Variants in PRKG1 observed in about 807,000 individuals in gnomAD.
PRKG1 encodes the protein cGMP-dependent protein kinase 1.
A neutral mutation model predicts 88.1 loss-of-function variants in PRKG1; 35 were observed. That is an observed-to-expected ratio of 0.40 (90% CI 0.30 to 0.53). The LOEUF is 0.53. PRKG1 is among the 20% of genes least tolerant of loss of function. The pLI, the probability that PRKG1 is intolerant of heterozygous loss-of-function variation, is 0.59. For missense variants in PRKG1, 540 were observed against 839.8 expected (o/e 0.64, Z 4.41); for synonymous variants, 303 against 292.5 (o/e 1.04, Z -0.37).
intron 2 of PRKG1, among the ~76,000 whole-genome samples, chr10:51,199,595 A>G (rs555891296): frequency 6.6e-6 from 1 of 152,328 alleles, no homozygotes; most frequent in African/African-American, 2.4e-5. Flanking sequence ...CCTGGCCATC[A>G]GAAAGTGGGA....
intron 2 of PRKG1, among the ~76,000 whole-genome samples, chr10:51,428,045 G>A (rs1838642265): frequency 6.6e-6 from 1 of 152,148 alleles, no homozygotes. Context: ...AGAAGCTAAG[G>A]GCACATGGCC....
chr10:51,780,286 A>G (rs1399489992), intron 3 of PRKG1, among the ~76,000 whole-genome samples: 2 of 152,106 alleles, frequency 1.3e-5, no homozygotes, highest in Admixed American at 6.6e-5. Context: ...CTTTCCCTAC[A>G]TACTTTCTTC....
At chr10:52,104,190 A>G (rs1358230370) in intron 7 of PRKG1, among the ~76,000 whole-genome samples, 1 of 151,848 alleles carries the variant, frequency 6.6e-6, no homozygotes, top group East Asian at 1.9e-4. Flanking sequence ...TTTTATGTAC[A>G]TAGGAATACA....
chr10:52,170,462 A>G (rs970060665), intron 9 of PRKG1, among the ~76,000 whole-genome samples: 5 of 152,166 alleles, frequency 3.3e-5, no homozygotes, highest in Non-Finnish European at 7.4e-5. Context: ...TTATCAGTGC[A>G]CTGACAAGAG....
At chr10:51,552,016 C>T (rs1474319975) in intron 3 of PRKG1, among the ~76,000 whole-genome samples, 5 of 151,490 alleles carry the variant, frequency 3.3e-5, no homozygotes, top group Admixed American at 3.3e-4. Context: ...AGTATTTGGC[C>T]AGATTTCATT....
intron 7 of PRKG1, among the ~76,000 whole-genome samples, chr10:52,088,460 A>T (rs867846806): frequency 1.3e-5 from 2 of 152,124 alleles, no homozygotes; most frequent in Non-Finnish European, 2.9e-5. Flanking sequence ...TTGAAACTGA[A>T]TTCCCAATAC....
chr10:51,812,220 A>G (rs1839474900), intron 4 of PRKG1, among the ~76,000 whole-genome samples: 2 of 152,218 alleles, frequency 1.3e-5, no homozygotes, highest in African/African-American at 4.8e-5. Context: ...TAGGGATTTG[A>G]CAAACTCTTG....
chr10:51,157,946 T>C (rs973595112), intron 2 of PRKG1, among the ~76,000 whole-genome samples: 1 of 151,918 alleles, frequency 6.6e-6, no homozygotes, highest in Non-Finnish European at 1.5e-5. Context: ...ATACATAGAA[T>C]GTATAGTGAA....
At chr10:51,698,439 C>G (rs1228377004) in intron 3 of PRKG1, 2 of 1,614,152 alleles carry the variant, frequency 1.2e-6, no homozygotes, top group African/African-American at 2.7e-5. Context: ...CCACGAGTGT[C>G]ATGACCAGAG....
intron 5 of PRKG1, among the ~76,000 whole-genome samples, chr10:52,006,948 A>C (rs1251400863): frequency 6.6e-6 from 1 of 152,236 alleles, no homozygotes; most frequent in Non-Finnish European, 1.5e-5. Context: ...CCCACAAGCC[A>C]GAAGACATTG....
intron 2 of PRKG1, among the ~76,000 whole-genome samples, chr10:51,326,695 A>G (rs962939431): frequency 3.3e-5 from 5 of 152,224 alleles, no homozygotes; most frequent in Admixed American, 1.3e-4. Context: ...TATCATAAAT[A>G]CAAGCCTCAG....
intron 3 of PRKG1, among the ~76,000 whole-genome samples, chr10:51,490,432 A>T (rs551232370): frequency 6.6e-6 from 1 of 152,274 alleles, no homozygotes; most frequent in South Asian, 2.1e-4. Context: ...TAGGATGATG[A>T]TGAAACAGGA....
intron 1 of PRKG1, among the ~76,000 whole-genome samples, chr10:51,108,050 C>G (rs1028338199): frequency 2.0e-5 from 3 of 151,986 alleles, no homozygotes; most frequent in African/African-American, 7.3e-5. Context: ...AAAGCTCACT[C>G]AAGAAGAAAC....
intron 1 of PRKG1, among the ~76,000 whole-genome samples, chr10:51,067,565 T>C (rs1286018898): frequency 5.9e-5 from 9 of 152,028 alleles, no homozygotes; most frequent in Non-Finnish European, 1.3e-4. Flanking sequence ...CACTTAAAAG[T>C]TGTAGTCAAC....
chr10:51,041,514 T>A (rs1843420644), intron 1 of PRKG1, among the ~76,000 whole-genome samples: 1 of 152,132 alleles, frequency 6.6e-6, no homozygotes, highest in Admixed American at 6.5e-5. Context: ...TTATTCAGGA[T>A]CCAGTGGCTC....
intron 3 of PRKG1, among the ~76,000 whole-genome samples, chr10:51,622,374 G>A (rs1421257306): frequency 2.0e-5 from 3 of 152,166 alleles, no homozygotes; most frequent in Admixed American, 2.0e-4. Flanking sequence ...TTTTGGGGTA[G>A]TAGTGAATCA....
upstream of PRKG1, among the ~76,000 whole-genome samples, chr10:51,072,029 C>G (rs1043098462): frequency 5.3e-5 from 8 of 152,148 alleles, no homozygotes; most frequent in Non-Finnish European, 7.3e-5. Flanking sequence ...AACCCCGTCT[C>G]TACTAAAAAT....
intron 3 of PRKG1, among the ~76,000 whole-genome samples, chr10:51,778,779 G>T (rs1838508506): frequency 2.6e-5 from 4 of 152,090 alleles, no homozygotes; most frequent in Admixed American, 2.6e-4. Flanking sequence ...GAGATGTCAG[G>T]ACAAGCAGGA....
intron 7 of PRKG1, among the ~76,000 whole-genome samples, chr10:52,131,047 A>G (rs1222792036): frequency 6.6e-6 from 1 of 152,180 alleles, no homozygotes; most frequent in Non-Finnish European, 1.5e-5. Flanking sequence ...AGATGAGGAA[A>G]TTGAGGCTTT....
Sources: gnomAD v4.1 joint callset for allele counts (sites outside exome capture counted in the v4.1 genomes callset) on GRCh38, gnomAD v4.1.1 for gene constraint, MANE v1.5 for transcripts, NCBI Gene and HGNC (gene_info 2026-07-23, HGNC 2026-07-21) for gene names.